The following NCAPG2 variants were observed in gnomAD, a reference collection of about 807,000 sequenced individuals.
The protein encoded by NCAPG2 is condensin-2 complex subunit G2.
In NCAPG2, 53 loss-of-function variants were observed where a neutral mutation model predicts 141.1. That is an observed-to-expected ratio of 0.38 (90% CI 0.30 to 0.47). The LOEUF is 0.47. Among genes scored for constraint, NCAPG2 ranks in the 20% least tolerant of loss-of-function variants. The probability of loss-of-function intolerance (pLI) is 0.99; values close to 1 mark genes in which losing one functional copy is unlikely to be tolerated. For missense variants in NCAPG2, 1,087 were observed against 1,389.0 expected, an observed-to-expected ratio of 0.78 and a Z score of 3.46; for synonymous variants, 499 against 490.7, an observed-to-expected ratio of 1.02 and a Z score of -0.22.
intron 2 of NCAPG2, among the ~76,000 whole-genome samples, chr7:158,701,415 G>A (rs928638440): frequency 2.6e-5 from 4 of 151,860 alleles, no homozygotes; most frequent in African/African-American, 9.7e-5. Context: ...CCTACAGCTC[G>A]CTCCCTGCTT....
Position 158,664,755 on chromosome 7 carries a change from G to A in NCAPG2, c.1480-5C>T, listed in dbSNP as rs1172418040. ...CATGGGACATATTTTCCAAAACTGT[G>A]CAAAAAGCACATATGCAGAAGGAAA... On this transcript the variant is annotated splice_polypyrimidine_tract_variant and splice_region_variant and intron_variant, in intron 13 of 27. Coordinates refer to ENST00000356309, the MANE Select transcript of NCAPG2 (RefSeq NM_017760.7). 1 of 1,610,258 alleles carries A rather than the reference G, an allele frequency of 6.2e-7. No homozygotes were observed. Among genetic ancestry groups the A allele is most frequent in the African/African-American group, 1.3e-5 (1 of 74,844 alleles).
intron 13 of NCAPG2, chr7:158,667,186 A>G (rs1251244104): frequency 2.0e-6 from 2 of 985,332 alleles, no homozygotes; most frequent in East Asian, 1.1e-4. Context: ...ACTTGCAAAG[A>G]TAAGGACTGA....
chr7:158,644,494 C>T, intron 26 of NCAPG2, 106 bp from the exon 27 acceptor site: 1 of 931,714 alleles, frequency 1.1e-6, no homozygotes, highest in Non-Finnish European at 1.7e-6. Flanking sequence ...GCCTCCCTAT[C>T]CTTCCCTTTG....
At chr7:158,671,443 T>G in intron 13 of NCAPG2, 71 bp downstream of exon 13, 2 of 1,564,520 alleles carry the variant, frequency 1.3e-6, no homozygotes, top group Admixed American at 3.4e-5. Flanking sequence ...GAATTAAAAC[T>G]ACTTTCTTTC....
chr7:158,643,418 T>C (rs768888010), intron 27 of NCAPG2, among the ~76,000 whole-genome samples: 2 of 152,212 alleles, frequency 1.3e-5, no homozygotes, highest in Non-Finnish European at 2.9e-5. Context: ...GGTTTTACCA[T>C]GTTGGCCAGG....
In NCAPG2 at chr7:158,662,215, T is replaced by G; in HGVS notation, c.1968A>C (p.Pro656=). Residue 656 remains proline, a synonymous_variant, in exon 16 of 28, where the codon CCA becomes CCC. Transcript: ENST00000356309. The part of the protein sequence containing the change: ...YTINKFASVL[P]EYLKVFKDDR... ...TTACCTTAAATACTTTCAGATACTC[T>G]GGAAGCACAGAGGCAAACTTGTTAA... 1 of 1,608,180 alleles carries G rather than the reference T, an allele frequency of 6.2e-7. No homozygotes were observed. The highest frequency in any genetic ancestry group is 1.1e-5 in the South Asian group (1 of 88,878).
chr7:158,694,059 T>C (rs1835287725), intron 2 of NCAPG2, among the ~76,000 whole-genome samples: 1 of 152,096 alleles, frequency 6.6e-6, no homozygotes, highest in Non-Finnish European at 1.5e-5. Context: ...TTTGGAACAA[T>C]GTGAGCACCA....
At chr7:158,687,057 T>C (rs1834800509) in intron 7 of NCAPG2, among the ~76,000 whole-genome samples, 1 of 152,160 alleles carries the variant, frequency 6.6e-6, no homozygotes, top group Admixed American at 6.5e-5. Context: ...CACATTGCAT[T>C]CAAAGTACCA....
At chr7:158,695,672 G>A (rs1835398720) in intron 2 of NCAPG2, among the ~76,000 whole-genome samples, 1 of 152,260 alleles carries the variant, frequency 6.6e-6, no homozygotes. Flanking sequence ...CCTCTCCCCA[G>A]CATGGCCTTG....
At chr7:158,679,924 A>G (rs768316863) in intron 11 of NCAPG2, 36 bp downstream of exon 11, 9 of 1,609,498 alleles carry the variant, frequency 5.6e-6, no homozygotes, top group South Asian at 4.4e-5. Flanking sequence ...GACAAAGCTG[A>G]TATCTGTAAG....
intron 9 of NCAPG2, among the ~76,000 whole-genome samples, chr7:158,682,101 AT>A (rs777299274): frequency 2.0e-5 from 3 of 152,138 alleles, no homozygotes; most frequent in Non-Finnish European, 2.9e-5. Context: ...TTTTCCATAA[AT>A]TTACCAAATA....
intron 27 of NCAPG2, among the ~76,000 whole-genome samples, chr7:158,642,083 A>G (rs1301947060): frequency 1.3e-5 from 2 of 152,238 alleles, no homozygotes; most frequent in East Asian, 1.9e-4. Flanking sequence ...AAAGAAATCA[A>G]TAACAGAAAG....
intron 27 of NCAPG2, among the ~76,000 whole-genome samples, chr7:158,643,916 G>C (rs1250503112): frequency 6.6e-6 from 1 of 152,202 alleles, no homozygotes; most frequent in African/African-American, 2.4e-5. Context: ...GGCTCTGGAG[G>C]GACCGCACAT....
At chr7:158,645,699 C>T in intron 25 of NCAPG2, 80 bp from the exon 26 acceptor site, 2 of 1,256,716 alleles carry the variant, frequency 1.6e-6, no homozygotes, top group Non-Finnish European at 1.1e-6. Flanking sequence ...AGCCAAGGTT[C>T]AACCACAACC....
chr7:158,638,504 T>C (rs187958010), intron 27 of NCAPG2, among the ~76,000 whole-genome samples: 251 of 152,214 alleles, frequency 1.6e-3, no homozygotes, highest in African/African-American at 5.9e-3. Context: ...CCTCCCATAG[T>C]GTTGGGATTA....
chr7:158,667,084 A>T (rs1174452632), intron 13 of NCAPG2: 25 of 966,152 alleles, frequency 2.6e-5, no homozygotes, highest in Non-Finnish European at 3.0e-5. Flanking sequence ...TACTCATGTC[A>T]TTCTGTAACC....
intron 15 of NCAPG2, 79 bp downstream of exon 15, chr7:158,664,104 AG>A (rs1832733642): frequency 9.3e-7 from 1 of 1,073,400 alleles, no homozygotes; most frequent in African/African-American, 1.6e-5. Context: ...AAGAAAACAT[AG>A]GAATATTCCT....
At chr7:158,674,765 C>T (rs949916015) in intron 12 of NCAPG2, among the ~76,000 whole-genome samples, 1 of 152,228 alleles carries the variant, frequency 6.6e-6, no homozygotes, top group African/African-American at 2.4e-5. Context: ...GGAGTCAGAG[C>T]TTCTAAACAG....
At chr7:158,669,579 AT>A (rs1318195714) in intron 13 of NCAPG2, among the ~76,000 whole-genome samples, 5 of 151,958 alleles carry the variant, frequency 3.3e-5, no homozygotes, top group African/African-American at 1.2e-4. Context: ...CCTGGCCAAC[AT>A]GGTGAAACCC....
Sources: allele counts gnomAD v4.1 joint callset (sites outside exome capture counted in the v4.1 genomes callset), GRCh38; gene constraint gnomAD v4.1.1; transcripts MANE v1.5; gene names NCBI Gene and HGNC (gene_info 2026-07-23, HGNC 2026-07-21).